RUNX1: variants seen among roughly 807,000 people sequenced by gnomAD.
RUNX1 encodes runt-related transcription factor 1.
Under a neutral mutation model 42.8 loss-of-function variants are expected in RUNX1, and 19 were observed. That is an observed-to-expected ratio of 0.44 (90% CI 0.31 to 0.65). The LOEUF (loss-of-function observed/expected upper bound fraction) is 0.65, where lower values mean the gene tolerates loss of function less well. RUNX1 is among the 30% of genes least tolerant of loss of function. The pLI is 0.07. For synonymous variants in RUNX1, 271 were observed against 289.4 expected (o/e 0.94, Z 0.64); for missense variants, 528 against 672.0 (o/e 0.79, Z 2.37).
chr21:34,987,267 G>C (rs542684026), intron 2 of RUNX1, among the ~76,000 whole-genome samples: 209 of 152,318 alleles, frequency 1.4e-3, no homozygotes, highest in African/African-American at 5.0e-3. Context: ...CTTGTGGCCA[G>C]GGTTTCAGTG....
chr21:34,880,054 C>A (rs909319736), intron 5 of RUNX1, among the ~76,000 whole-genome samples: 2 of 152,186 alleles, frequency 1.3e-5, no homozygotes, highest in African/African-American at 4.8e-5. Flanking sequence ...ATGTCTTTTT[C>A]TAAAAAGGTA....
chr21:34,860,671 A>C (rs2057561308), intron 5 of RUNX1, among the ~76,000 whole-genome samples: 1 of 152,230 alleles, frequency 6.6e-6, no homozygotes, highest in African/African-American at 2.4e-5. Context: ...TAATCAACAT[A>C]GTTTCTCCTC....
intron 4 of RUNX1, among the ~76,000 whole-genome samples, chr21:34,885,172 A>G (rs1484910768): frequency 6.6e-6 from 1 of 152,146 alleles, no homozygotes; most frequent in Admixed American, 6.5e-5. Flanking sequence ...TTCCCCCCCA[A>G]AAGGAAGCCA....
At chr21:34,852,089 A>T (rs1021758935) in intron 6 of RUNX1, among the ~76,000 whole-genome samples, 36 of 152,108 alleles carry the variant, frequency 2.4e-4, no homozygotes, top group African/African-American at 8.2e-4. Flanking sequence ...AATTGCTTGA[A>T]CCCAGGAGGT....
chr21:34,978,889 T>C (rs1418261884), intron 2 of RUNX1, among the ~76,000 whole-genome samples: 2 of 150,768 alleles, frequency 1.3e-5, no homozygotes, highest in African/African-American at 2.4e-5. Flanking sequence ...TCAGGTGACC[T>C]TGGGGTCTCT....
intron 2 of RUNX1, among the ~76,000 whole-genome samples, chr21:34,961,541 T>C (rs2058682013): frequency 6.6e-6 from 1 of 152,210 alleles, no homozygotes; most frequent in African/African-American, 2.4e-5. Context: ...TCATCTGAAC[T>C]TCAGTTCCTT....
chr21:34,841,498 C>T (rs1418614248), intron 6 of RUNX1, among the ~76,000 whole-genome samples: 1 of 152,144 alleles, frequency 6.6e-6, no homozygotes, highest in Non-Finnish European at 1.5e-5. Context: ...AGTGGCCTCT[C>T]AGGTGACATG....
rs918770143 is a variant in RUNX1 at position 34,894,912 on chromosome 21, CACACACACACACACACAT to C, written c.59-1967_59-1950del. On this transcript the variant is annotated intron_variant, in intron 2 of 8. Transcript: ENST00000675419. ...ACACACACACACACACACACACACACACACACACACACACACATATTCATATCTACATATAGGTCCACA... is the reference window on the plus strand; with the variant it reads ...ACACACACACACACACACACACACACATTCATATCTACATATAGGTCCACA... 8.3e-5 allele frequency among the ~76,000 whole-genome samples: 12 copies of C among 145,112 alleles called. 1 individual carries two copies. The highest frequency in any genetic ancestry group is 2.2e-4 in the African/African-American group (8 of 35,692).
At chr21:34,831,299 T>C (rs183679931) in intron 7 of RUNX1, among the ~76,000 whole-genome samples, 34 of 152,322 alleles carry the variant, frequency 2.2e-4, no homozygotes, top group Non-Finnish European at 4.3e-4. Flanking sequence ...AGCCCTTTAA[T>C]AGTTAAGACC....
At chr21:34,839,607 C>T (rs937936456) in intron 6 of RUNX1, among the ~76,000 whole-genome samples, 4 of 152,176 alleles carry the variant, frequency 2.6e-5, no homozygotes, top group Non-Finnish European at 5.9e-5. Context: ...GCCCCAGCCA[C>T]ACTGTGACCT....
rs543640352 is a variant in RUNX1 at position 34,931,349 on chromosome 21, T to TAA, written c.59-38387_59-38386insTT. ...ATATATACACATTTATATATATATA[T>TAA]ACATGTGTATATATATGTGTATATA... On this transcript the variant is annotated intron_variant, in intron 2 of 8. Transcript: ENST00000675419. Among the ~76,000 whole-genome samples the TAA allele has an allele frequency of 1.7e-3, 242 of 145,992 alleles. 1 individual carries two copies. Among genetic ancestry groups the TAA allele is most frequent in the African/African-American group, 5.9e-3 (232 of 39,296 alleles).
intron 2 of RUNX1, among the ~76,000 whole-genome samples, chr21:34,978,720 C>T (rs945424039): frequency 6.6e-6 from 1 of 152,056 alleles, no homozygotes; most frequent in Admixed American, 6.6e-5. Context: ...TATTTATGAA[C>T]AACTGTAGAG....
chr21:34,886,397 G>T (rs2057987937), intron 4 of RUNX1, among the ~76,000 whole-genome samples: 1 of 152,208 alleles, frequency 6.6e-6, no homozygotes, highest in Non-Finnish European at 1.5e-5. Context: ...TCACTGACTT[G>T]AAGGCAGAAA....
intron 7 of RUNX1, among the ~76,000 whole-genome samples, chr21:34,816,857 T>G (rs140831737): frequency 6.6e-6 from 1 of 152,236 alleles, no homozygotes; most frequent in East Asian, 1.9e-4. Context: ...TTTTGGTCAT[T>G]TCAGAGCAAG....
chr21:34,869,877 G>A (rs1000430235), intron 5 of RUNX1, among the ~76,000 whole-genome samples: 2 of 152,144 alleles, frequency 1.3e-5, no homozygotes, highest in Non-Finnish European at 2.9e-5. Context: ...AAAATGAAGT[G>A]TTTACTGTTA....
chr21:34,885,084 T>C (rs2057960783), intron 4 of RUNX1, among the ~76,000 whole-genome samples: 1 of 152,248 alleles, frequency 6.6e-6, no homozygotes, highest in East Asian at 1.9e-4. Context: ...CTGAAGATTA[T>C]TTATTAATCA....
At chr21:35,009,836 C>T (rs1368836842) in intron 2 of RUNX1, among the ~76,000 whole-genome samples, 1 of 152,106 alleles carries the variant, frequency 6.6e-6, no homozygotes, top group Non-Finnish European at 1.5e-5. Flanking sequence ...TTTTGACTAA[C>T]CAAACATGGA....
intron 2 of RUNX1, among the ~76,000 whole-genome samples, chr21:34,939,404 A>G (rs2058510143): frequency 6.6e-6 from 1 of 152,164 alleles, no homozygotes; most frequent in Admixed American, 6.5e-5. Context: ...ACTAAAATAG[A>G]CTTTGATTCT....
intron 2 of RUNX1, among the ~76,000 whole-genome samples, chr21:34,893,783 T>TAAAAAA (rs545585960): frequency 2.7e-5 from 4 of 149,008 alleles, no homozygotes; most frequent in African/African-American, 9.9e-5. Context: ...TTTTTTTTTT[T>TAAAAAA]AAAAAAAAAC....
Sources: gnomAD v4.1 joint callset for allele counts (sites outside exome capture counted in the v4.1 genomes callset) on GRCh38, gnomAD v4.1.1 for gene constraint, MANE v1.5 for transcripts, NCBI Gene and HGNC (gene_info 2026-07-23, HGNC 2026-07-21) for gene names.